HS6ST2: variants seen among roughly 807,000 people sequenced by gnomAD.
The protein encoded by HS6ST2 is heparan-sulfate 6-O-sulfotransferase 2.
A neutral mutation model predicts 33.0 loss-of-function variants in HS6ST2; 17 were observed. The ratio of observed to expected loss-of-function variants is 0.52; its 90% CI spans 0.35 to 0.77. The LOEUF (loss-of-function observed/expected upper bound fraction) is 0.77, where lower values mean the gene tolerates loss of function less well. HS6ST2 is among the 30% of genes least tolerant of loss of function. The probability of loss-of-function intolerance (pLI) is 0.01; values close to 1 mark genes in which losing one functional copy is unlikely to be tolerated. For synonymous variants in HS6ST2, 248 were observed against 237.1 expected, an observed-to-expected ratio of 1.05 and a Z score of -0.42; for missense variants, 519 against 551.7, an observed-to-expected ratio of 0.94 and a Z score of 0.59.
intron 2 of HS6ST2, among the ~76,000 whole-genome samples, chrX:132,882,434 A>C (rs113028232): frequency 9.5e-6 from 1 of 104,841 alleles, no homozygotes; most frequent in African/African-American, 3.5e-5. Context: ...TTTGTCTGTT[A>C]TTGGTGTATA....
chrX:132,766,547 C>G (rs1304579881), intron 2 of HS6ST2, among the ~76,000 whole-genome samples: 5 of 111,717 alleles, frequency 4.5e-5, no homozygotes, highest in African/African-American at 1.6e-4. Context: ...GAGCACTCAA[C>G]TTTTCCAGGT....
intron 3 of HS6ST2, among the ~76,000 whole-genome samples, chrX:132,706,483 GA>G (rs2064190022): frequency 8.9e-6 from 1 of 111,940 alleles, no homozygotes; most frequent in African/African-American, 3.2e-5. Context: ...TTGGCTATAG[GA>G]AAAAGAGAGA....
chrX:132,702,054 G>A (rs973748031), intron 3 of HS6ST2, among the ~76,000 whole-genome samples: 4 of 112,008 alleles, frequency 3.6e-5, no homozygotes, highest in Non-Finnish European at 3.8e-5. Context: ...AGCTTTTGTC[G>A]GAAAATGTAT....
intron 2 of HS6ST2, among the ~76,000 whole-genome samples, chrX:132,930,567 TATATGGGTCTAAGAGGCCTG>T (rs2066758026): frequency 9.0e-6 from 1 of 110,869 alleles, no homozygotes; most frequent in South Asian, 3.9e-4. Flanking sequence ...CTGCAGCAAG[TATATGGGTCTAAGAGGCCTG>T]TTAGTCCCCA....
At chrX:132,816,692 AAAC>A (rs1332400651) in intron 2 of HS6ST2, among the ~76,000 whole-genome samples, 1 of 111,986 alleles carries the variant, frequency 8.9e-6, no homozygotes, top group East Asian at 2.8e-4. Context: ...AAAATCTGAA[AAAC>A]AACAACTTTG....
At chrX:132,780,615 A>G (rs1475424522) in intron 2 of HS6ST2, among the ~76,000 whole-genome samples, 1 of 111,454 alleles carries the variant, frequency 9.0e-6, no homozygotes, top group Admixed American at 9.6e-5. Flanking sequence ...AGGTCATTTT[A>G]CTTGCCCAGC....
intron 2 of HS6ST2, among the ~76,000 whole-genome samples, chrX:132,872,121 G>A (rs1298739718): frequency 1.8e-5 from 2 of 111,123 alleles, no homozygotes; most frequent in African/African-American, 3.3e-5. Flanking sequence ...TCTGGGGCAC[G>A]AAACCTGCAT....
chrX:132,765,773 T>C (rs1418845089), intron 2 of HS6ST2, among the ~76,000 whole-genome samples: 2 of 112,573 alleles, frequency 1.8e-5, no homozygotes, highest in African/African-American at 3.2e-5. Flanking sequence ...ATAATATTAC[T>C]TAACATTTCT....
chrX:132,895,548 T>C (rs770823500), intron 2 of HS6ST2, among the ~76,000 whole-genome samples: 1 of 111,671 alleles, frequency 9.0e-6, no homozygotes, highest in East Asian at 2.8e-4. Flanking sequence ...ATAAAATGTA[T>C]ATACATAGAC....
Position 132,649,798 on chromosome X carries a change from C to T in HS6ST2, c.1067+19315G>A, listed in dbSNP as rs940252455. Among the ~76,000 whole-genome samples, 19 of 108,030 alleles carry T rather than the reference C, an allele frequency of 1.8e-4. No homozygotes were observed. The Admixed American group carries it at 1.9e-3, about 11-fold the overall frequency. 93.8% of individuals were successfully genotyped at this position (108,030 alleles called of 115,157 possible). ...TCTTGAACCCAGGAGGCGGAGGTTG[C>T]AGTAAGCCTAGATCATGCCACTGCA... On this transcript the variant is annotated intron_variant, in intron 4 of 4. Coordinates refer to ENST00000370833, the MANE Select transcript of HS6ST2 (RefSeq NM_001394073.1).
chrX:132,791,697 A>T (rs181415704), intron 2 of HS6ST2, among the ~76,000 whole-genome samples: 1 of 111,954 alleles, frequency 8.9e-6, no homozygotes, highest in East Asian at 2.8e-4. Flanking sequence ...AAGCAAAAAG[A>T]AGATTTAACC....
chrX:132,722,187 C>CAAA (rs1217492848), intron 2 of HS6ST2, among the ~76,000 whole-genome samples: 115 of 44,094 alleles, frequency 2.6e-3, no homozygotes, highest in Non-Finnish European at 3.3e-3. Flanking sequence ...GACTCCGTCT[C>CAAA]AAAAAAAAAA....
At chrX:132,736,690 T>C (rs192504896) in intron 2 of HS6ST2, among the ~76,000 whole-genome samples, 15 of 111,928 alleles carry the variant, frequency 1.3e-4, no homozygotes, top group Admixed American at 1.3e-3. Flanking sequence ...CATGATACTA[T>C]GCATGAGGTA....
intron 3 of HS6ST2, among the ~76,000 whole-genome samples, chrX:132,680,943 T>C (rs1421929787): frequency 9.2e-6 from 1 of 109,190 alleles, no homozygotes; most frequent in Non-Finnish European, 1.9e-5. Flanking sequence ...GAGGTTGCAG[T>C]GAGCCAAGAT....
intron 2 of HS6ST2, among the ~76,000 whole-genome samples, chrX:132,768,862 C>CACGTTTCATCAAAATTTT (rs2148318521): frequency 8.9e-6 from 1 of 112,689 alleles, no homozygotes; most frequent in African/African-American, 3.2e-5. Context: ...TACTCCTTTT[C>CACGTTTCATCAAAATTTT]ACGTTTCATC....
intron 2 of HS6ST2, among the ~76,000 whole-genome samples, chrX:132,748,353 C>T (rs1401154534): frequency 8.9e-6 from 1 of 112,285 alleles, no homozygotes; most frequent in East Asian, 2.8e-4. Flanking sequence ...TGTTAAGCCT[C>T]ACTCAGAAAA....
intron 4 of HS6ST2, among the ~76,000 whole-genome samples, chrX:132,658,144 C>T (rs2063744481): frequency 9.0e-6 from 1 of 111,093 alleles, no homozygotes; most frequent in Non-Finnish European, 1.9e-5. Flanking sequence ...TGGCTCAGCT[C>T]CACAATCCAG....
chrX:132,679,899 C>T (rs771543307), intron 3 of HS6ST2, among the ~76,000 whole-genome samples: 2 of 109,577 alleles, frequency 1.8e-5, no homozygotes, highest in African/African-American at 3.3e-5. Context: ...GGCTCACCAG[C>T]GGTCAGAGTT....
chrX:132,866,074 T>C (rs1234936675), intron 2 of HS6ST2, among the ~76,000 whole-genome samples: 8 of 110,872 alleles, frequency 7.2e-5, no homozygotes, highest in African/African-American at 2.3e-4. Flanking sequence ...TCCTGAATGG[T>C]AATGCCTAGG....
Sources: allele counts gnomAD v4.1 joint callset (sites outside exome capture counted in the v4.1 genomes callset), GRCh38; gene constraint gnomAD v4.1.1; transcripts MANE v1.5; gene names NCBI Gene and HGNC (gene_info 2026-07-23, HGNC 2026-07-21).